The following ASTN2 variants were observed in gnomAD, a reference collection of about 807,000 sequenced individuals.
ASTN2 encodes the protein astrotactin 2, also known as astrotactin-2.
In ASTN2, 54 loss-of-function variants were observed where a neutral mutation model predicts 139.8. The observed-to-expected ratio is 0.39, with a 90% confidence interval of 0.31 to 0.48. The LOEUF (loss-of-function observed/expected upper bound fraction) is 0.48. Ranked by LOEUF, ASTN2 falls within the 20% of genes least tolerant of loss-of-function variation. The pLI, the probability that ASTN2 is intolerant of heterozygous loss-of-function variation, is 0.95. For missense variants in ASTN2, 1,565 were observed against 1,725.1 expected, an observed-to-expected ratio of 0.91 and a Z score of 1.64; for synonymous variants, 756 against 719.5, an observed-to-expected ratio of 1.05 and a Z score of -0.81.
chr9:117,400,645 G>C (rs1474107074), intron 1 of ASTN2, among the ~76,000 whole-genome samples: 1 of 152,234 alleles, frequency 6.6e-6, no homozygotes, highest in Non-Finnish European at 1.5e-5. Flanking sequence ...CCTGGGTTCA[G>C]AGCTGAGTGT....
intron 19 of ASTN2, among the ~76,000 whole-genome samples, chr9:116,552,474 C>A (rs1472824076): frequency 1.3e-5 from 2 of 152,158 alleles, no homozygotes; most frequent in Non-Finnish European, 2.9e-5. Context: ...AAGCTCTCAT[C>A]CACTAGAATT....
intron 16 of ASTN2, among the ~76,000 whole-genome samples, chr9:116,662,534 T>C (rs779483977): frequency 2.4e-4 from 36 of 152,082 alleles, no homozygotes; most frequent in Admixed American, 1.2e-3. Context: ...GATTGCACCA[T>C]TGCACTCCAG....
At chr9:117,273,337 G>A (rs1367671611) in intron 2 of ASTN2, among the ~76,000 whole-genome samples, 2 of 152,150 alleles carry the variant, frequency 1.3e-5, no homozygotes, top group African/African-American at 2.4e-5. Context: ...TTGAGATTTG[G>A]GTAGGAACAC....
Position 116,816,526 on chromosome 9 carries a change from CA to C in ASTN2, c.2207+4090del, listed in dbSNP as rs548787513. ...AAGACCAGGCACAGAGTAGTCACAA[CA>C]AATCTTAGGCGGATGAATTCTTTAA... On this transcript the variant is annotated intron_variant, in intron 12 of 22. Transcript: ENST00000313400. Among the ~76,000 whole-genome samples, 236 of 152,266 alleles carry C rather than the reference CA, an allele frequency of 1.5e-3. 1 individual carries two copies. Among genetic ancestry groups the C allele is most frequent in the Middle Eastern group, 3.4e-3 (1 of 294 alleles).
intron 12 of ASTN2, among the ~76,000 whole-genome samples, chr9:116,819,535 C>T (rs1264240394): frequency 1.3e-5 from 2 of 152,150 alleles, no homozygotes; most frequent in African/African-American, 4.8e-5. Context: ...ACACTAGAAT[C>T]ATACAAGTTT....
intron 10 of ASTN2, among the ~76,000 whole-genome samples, chr9:116,901,195 A>C (rs1291237851): frequency 6.6e-6 from 1 of 152,152 alleles, no homozygotes; most frequent in Admixed American, 6.6e-5. Context: ...ATGCCCAGGC[A>C]ATAACGCATT....
At chr9:117,070,959 C>T (rs1828103887) in intron 5 of ASTN2, among the ~76,000 whole-genome samples, 1 of 147,868 alleles carries the variant, frequency 6.8e-6, no homozygotes, top group Non-Finnish European at 1.5e-5. Flanking sequence ...GTTTGAATGT[C>T]CTCCCGTAGC....
chr9:116,767,075 CA>C (rs1829831892), intron 13 of ASTN2, among the ~76,000 whole-genome samples: 1 of 152,074 alleles, frequency 6.6e-6, no homozygotes, highest in Non-Finnish European at 1.5e-5. Flanking sequence ...ATCACACACA[CA>C]TAAACACATA....
chr9:117,071,083 G>A (rs1468877176), intron 5 of ASTN2, among the ~76,000 whole-genome samples: 5 of 148,260 alleles, frequency 3.4e-5, no homozygotes, highest in Non-Finnish European at 7.5e-5. Context: ...GAGGAGAGGC[G>A]CTCTGATTTT....
chr9:117,066,107 C>T (rs529975179), intron 5 of ASTN2, among the ~76,000 whole-genome samples: 1,638 of 144,706 alleles, frequency 0.011, 41 homozygotes, highest in African/African-American at 0.041. Context: ...CATGCTGGTG[C>T]ACTGCACCCA....
chr9:116,823,954 A>G (rs1831555444), intron 11 of ASTN2, among the ~76,000 whole-genome samples: 2 of 152,170 alleles, frequency 1.3e-5, no homozygotes, highest in African/African-American at 4.8e-5. Flanking sequence ...TTTGTTGCTT[A>G]CTGTCTGTCT....
intron 16 of ASTN2, among the ~76,000 whole-genome samples, chr9:116,663,080 T>C (rs1294683552): frequency 6.6e-6 from 1 of 152,240 alleles, no homozygotes; most frequent in East Asian, 1.9e-4. Flanking sequence ...GATTCCAAGA[T>C]TAGTTCCTTC....
At chr9:116,991,500 A>G (rs927666698) in intron 7 of ASTN2, among the ~76,000 whole-genome samples, 1 of 151,998 alleles carries the variant, frequency 6.6e-6, no homozygotes, top group South Asian at 2.1e-4. Context: ...TTGAACACAT[A>G]TCTTTTCCAT....
chr9:116,633,756 A>T (rs1472128429), intron 17 of ASTN2, among the ~76,000 whole-genome samples: 1 of 152,156 alleles, frequency 6.6e-6, no homozygotes, highest in African/African-American at 2.4e-5. Context: ...TGGGGCTTCT[A>T]TGGGACTATG....
rs1464023099 is a variant in ASTN2 at position 116,531,093 on chromosome 9, C to T, written c.3356-43593G>A. On this transcript the variant is annotated intron_variant, in intron 19 of 22. Coordinates refer to ENST00000313400, the MANE Select transcript of ASTN2 (RefSeq NM_001365068.1). ...AATGTAAGCTGAGACACGTTCTTGGCCCCATCTCATCCATTAGTCTGAGTT... is the reference window on the plus strand; with the variant it reads ...AATGTAAGCTGAGACACGTTCTTGGTCCCATCTCATCCATTAGTCTGAGTT... 2.6e-5 allele frequency among the ~76,000 whole-genome samples: 4 copies of T among 152,154 alleles called. 1 individual carries two copies. The highest frequency in any genetic ancestry group is 4.8e-5 in the African/African-American group (2 of 41,434).
intron 16 of ASTN2, among the ~76,000 whole-genome samples, chr9:116,675,735 T>C (rs2132002112): frequency 6.6e-6 from 1 of 152,196 alleles, no homozygotes; most frequent in East Asian, 1.9e-4. Context: ...GAACCCTCCT[T>C]ATTTGTCTAG....
At chr9:116,613,847 T>A (rs1414282892) in intron 19 of ASTN2, among the ~76,000 whole-genome samples, 5 of 152,152 alleles carry the variant, frequency 3.3e-5, no homozygotes, top group Admixed American at 2.0e-4. Flanking sequence ...ACCACTCCTA[T>A]TCAACATAGT....
chr9:116,825,077 C>T (rs1831590688), intron 11 of ASTN2, among the ~76,000 whole-genome samples: 1 of 152,212 alleles, frequency 6.6e-6, no homozygotes, highest in African/African-American at 2.4e-5. Flanking sequence ...GGCACTGTCA[C>T]TTGCTTGCCT....
intron 16 of ASTN2, among the ~76,000 whole-genome samples, chr9:116,704,025 T>C (rs1411488319): frequency 6.6e-6 from 1 of 152,178 alleles, no homozygotes; most frequent in African/African-American, 2.4e-5. Flanking sequence ...AAGCTAAGGC[T>C]GAAGTTAGTG....
Sources: allele counts gnomAD v4.1 joint callset (sites outside exome capture counted in the v4.1 genomes callset), GRCh38; gene constraint gnomAD v4.1.1; transcripts MANE v1.5; gene names NCBI Gene and HGNC (gene_info 2026-07-23, HGNC 2026-07-21).